SEC31A: variants seen among roughly 807,000 people sequenced by gnomAD.
SEC31A encodes protein transport protein Sec31A.
Under a neutral mutation model 151.0 loss-of-function variants are expected in SEC31A, and 70 were observed. The observed-to-expected ratio is 0.46, with a 90% CI of 0.38 to 0.57. The LOEUF is 0.57. SEC31A is among the 20% of genes least tolerant of loss of function. The pLI is 0.00. For synonymous variants in SEC31A, 475 were observed against 505.9 expected, an observed-to-expected ratio of 0.94 and a Z score of 0.82; for missense variants, 1,330 against 1,471.2, an observed-to-expected ratio of 0.90 and a Z score of 1.57.
intron 1 of SEC31A, among the ~76,000 whole-genome samples, chr4:82,888,866 T>A (rs958821426): frequency 6.6e-6 from 1 of 152,208 alleles, no homozygotes; most frequent in East Asian, 1.9e-4. Context: ...CCACCAGCAC[T>A]GTTCTTTGAA....
intron 3 of SEC31A, among the ~76,000 whole-genome samples, chr4:82,879,778 T>A (rs1409407894): frequency 6.6e-6 from 1 of 152,176 alleles, no homozygotes; most frequent in Non-Finnish European, 1.5e-5. Context: ...AATGAAGACC[T>A]CCTTTCTCTG....
At chr4:82,898,571 A>G (rs1197150738) in intron 3 of SEC31A, among the ~76,000 whole-genome samples, 2 of 152,262 alleles carry the variant, frequency 1.3e-5, no homozygotes, top group African/African-American at 4.8e-5. Flanking sequence ...AAATAGTTGC[A>G]ATCCAATTAA....
intron 22 of SEC31A, among the ~76,000 whole-genome samples, chr4:82,837,184 TA>T (rs1727546419): frequency 3.7e-5 from 2 of 53,664 alleles, no homozygotes; most frequent in Admixed American, 5.3e-4. Flanking sequence ...TATATATATA[TA>T]TATATATATA....
chr4:82,857,957 T>C lies in SEC31A; in HGVS notation c.1627-193A>G, dbSNP rs1733057491. On this transcript the variant is annotated intron_variant, in intron 14 of 26. Transcript: ENST00000395310. ...AATATTACCTCCCATTATATAATCA[T>C]AAATAAAATCCAAGGTCATGAAGAA... The C allele has an allele frequency of 9.1e-6, 4 of 440,088 alleles. 1 individual carries two copies. In the Admixed American group the frequency reaches 1.1e-4, roughly 12 times the overall value. The allele number at this position is 440,088 out of a possible 1,614,324, so 27.3% of individuals were successfully genotyped here.
chr4:82,827,325 A>G (rs1441462117), intron 24 of SEC31A, 44 bp downstream of exon 24: 22 of 1,580,572 alleles, frequency 1.4e-5, no homozygotes, highest in Admixed American at 1.8e-5. Context: ...AATATACTGA[A>G]ACACAGCCAT....
chr4:82,828,138 C>T (rs1268988824), intron 23 of SEC31A, among the ~76,000 whole-genome samples: 1 of 152,190 alleles, frequency 6.6e-6, no homozygotes, highest in Non-Finnish European at 1.5e-5. Flanking sequence ...TGGTCTAGAA[C>T]TCCTGACCTT....
chr4:82,852,602 TAG>T (rs1202995982), intron 18 of SEC31A, among the ~76,000 whole-genome samples: 2 of 152,154 alleles, frequency 1.3e-5, no homozygotes, highest in Non-Finnish European at 2.9e-5. Flanking sequence ...TTTGTTTCAA[TAG>T]AGTGATCTTT....
chr4:82,826,549 C>T lies in SEC31A; in HGVS notation c.3291+820G>A, dbSNP rs1421034635. 2.0e-5 allele frequency among the ~76,000 whole-genome samples: 3 copies of T among 152,344 alleles called. No homozygotes were observed. In the East Asian group the frequency reaches 5.8e-4, roughly 29 times the overall value. On this transcript the variant is annotated intron_variant, in intron 24 of 26. Transcript: ENST00000395310. ...TGTATTTTTAGTAGAGACAGGGTTTCACCATGCTGGCCAGGCTGGTCTCCA... is the reference window on the plus strand; with the variant it reads ...TGTATTTTTAGTAGAGACAGGGTTTTACCATGCTGGCCAGGCTGGTCTCCA...
At chr4:82,875,478 A>G (rs182919143) in intron 5 of SEC31A, among the ~76,000 whole-genome samples, 65 of 152,298 alleles carry the variant, frequency 4.3e-4, no homozygotes, top group Middle Eastern at 3.4e-3. Context: ...TTTGTTTACT[A>G]CTGTATGCCT....
chr4:82,880,796 T>A lies in SEC31A; in HGVS notation c.203+3A>T, dbSNP rs774421696. The A allele has an allele frequency of 3.7e-6, 6 of 1,607,688 alleles. No homozygotes were observed. In the East Asian group the frequency reaches 1.1e-4, roughly 30 times the overall value. ...CACATGAATTTAAAGCTGAACCTCA[T>A]ACCTGTGAGAAGAGGAGAATGTGGC... is the stretch of plus-strand genomic sequence containing the variant. On this transcript the variant is annotated splice_donor_region_variant and intron_variant, in intron 3 of 26. Transcript: ENST00000395310.
intron 20 of SEC31A, among the ~76,000 whole-genome samples, chr4:82,846,366 C>CATAATG (rs1553928459): frequency 4.3e-5 from 6 of 140,546 alleles, no homozygotes; most frequent in African/African-American, 1.6e-4. Context: ...AACTCCAAAA[C>CATAATG]ATAATAATAA....
At chr4:82,862,512 C>A (rs367859438) in intron 13 of SEC31A, 22 bp downstream of exon 13, 1 of 1,602,462 alleles carries the variant, frequency 6.2e-7, no homozygotes. Flanking sequence ...TAGAAGGTAG[C>A]TATTTTTAAA....
At chr4:82,839,022 G>A (rs941211667) in intron 22 of SEC31A, among the ~76,000 whole-genome samples, 4 of 152,206 alleles carry the variant, frequency 2.6e-5, no homozygotes, top group Non-Finnish European at 5.9e-5. Flanking sequence ...CTTTCGCCCA[G>A]GCTGGGGTGC....
rs142427470 is a variant in SEC31A at position 82,830,766 on chromosome 4, C to A, written c.2969-1708G>T. Among the ~76,000 whole-genome samples the A allele has an allele frequency of 9.9e-4, 150 of 152,282 alleles. 2 individuals are homozygous for A. The East Asian group carries it at 0.021, about 21-fold the overall frequency. The stretch of plus-strand genomic sequence containing the variant: ...AGCTACTTGTGTAATCACGTAAATT[C>A]AATCAGTTGTAAAATCTGATTCAAT... On this transcript the variant is annotated intron_variant, in intron 22 of 26. Coordinates refer to ENST00000395310, the MANE Select transcript of SEC31A (RefSeq NM_001077207.4).
At chr4:82,881,201 C>T (rs1264587551) in intron 2 of SEC31A, among the ~76,000 whole-genome samples, 1 of 152,130 alleles carries the variant, frequency 6.6e-6, no homozygotes, top group Non-Finnish European at 1.5e-5. Flanking sequence ...CACGGTGGCT[C>T]ATGCCTGTAA....
chr4:82,899,594 C>T (rs936653741), intron 3 of SEC31A: 1 of 152,572 alleles, frequency 6.6e-6, no homozygotes, highest in Non-Finnish European at 1.5e-5. Flanking sequence ...TTCCAAAGTT[C>T]CTTGACCATC....
upstream of SEC31A, chr4:82,894,825 T>C (rs1408699579): frequency 9.9e-5 from 15 of 152,254 alleles, no homozygotes; most frequent in Non-Finnish European, 1.5e-5. Context: ...TGTCTTATTC[T>C]TCTTAGTGCT....
chr4:82,844,579 A>G, intron 20 of SEC31A, 70 bp from the exon 21 acceptor site: 5 of 1,436,010 alleles, frequency 3.5e-6, no homozygotes, highest in Non-Finnish European at 4.8e-6. Flanking sequence ...TGGAATTACA[A>G]TCTCTGAAAT....
chr4:82,865,540 A>G (rs948418148), intron 10 of SEC31A, among the ~76,000 whole-genome samples: 1 of 1,686 alleles, frequency 5.9e-4, no homozygotes, highest in Non-Finnish European at 1.2e-3. Context: ...AATGTGGTAT[A>G]TATATATATA....
Sources: allele counts gnomAD v4.1 joint callset (sites outside exome capture counted in the v4.1 genomes callset), GRCh38; gene constraint gnomAD v4.1.1; transcripts MANE v1.5; gene names NCBI Gene and HGNC (gene_info 2026-07-23, HGNC 2026-07-21).